The following ST8SIA6 variants were observed in gnomAD, a reference collection of about 807,000 sequenced individuals.
The protein encoded by ST8SIA6 is ST8 alpha-N-acetyl-neuraminide alpha-2,8-sialyltransferase 6, also known as alpha-2,8-sialyltransferase 8F.
In ST8SIA6, 39 loss-of-function variants were observed where a neutral mutation model predicts 33.6. The observed-to-expected ratio is 1.16, with a 90% CI of 0.90 to 1.52. The LOEUF (loss-of-function observed/expected upper bound fraction) is 1.52. Ranked by LOEUF, ST8SIA6 falls within the 40% of genes most tolerant of loss-of-function variation. The pLI, the probability that ST8SIA6 is intolerant of heterozygous loss-of-function variation, is 0.00. For missense variants in ST8SIA6, 441 were observed against 443.8 expected (o/e 0.99, Z 0.06); for synonymous variants, 172 against 167.2 (o/e 1.03, Z -0.22).
chr10:17,346,357 AAC>A (rs1174484271), intron 4 of ST8SIA6, among the ~76,000 whole-genome samples: 1 of 152,170 alleles, frequency 6.6e-6, no homozygotes, highest in African/African-American at 2.4e-5. Context: ...CTGTAATCCC[AAC>A]ACTTTGCTGA....
At chr10:17,387,460 G>T (rs952523813) in intron 3 of ST8SIA6, among the ~76,000 whole-genome samples, 2 of 115,798 alleles carry the variant, frequency 1.7e-5, no homozygotes, top group East Asian at 4.7e-4. Context: ...GGGGGGGGGG[G>T]TTCTCCATGT....
chr10:17,352,137 T>C (rs1849053008), intron 4 of ST8SIA6, among the ~76,000 whole-genome samples: 1 of 152,154 alleles, frequency 6.6e-6, no homozygotes, highest in Non-Finnish European at 1.5e-5. Context: ...CTAAACACCA[T>C]ATTTTATTCC....
chr10:17,422,147 T>C lies in ST8SIA6; in HGVS notation c.200+31412A>G, dbSNP rs868250225. On this transcript the variant is annotated intron_variant, in intron 2 of 7. Transcript: ENST00000377602. The stretch of plus-strand genomic sequence containing the variant: ...ATCAAGAGAACAATCTTTAAGCCAA[T>C]AGAAACAGTCTTTAATCACGCTAAA... Among the ~76,000 whole-genome samples the C allele has an allele frequency of 1.1e-4, 16 of 152,220 alleles. No individual in the cohort carries two copies. In the South Asian group the frequency reaches 3.3e-3, roughly 32 times the overall value.
At chr10:17,437,572 G>A (rs1202566826) in intron 2 of ST8SIA6, among the ~76,000 whole-genome samples, 4 of 152,044 alleles carry the variant, frequency 2.6e-5, no homozygotes, top group African/African-American at 9.7e-5. Flanking sequence ...TGGAACTATG[G>A]CTTGTGGTAC....
intron 4 of ST8SIA6, among the ~76,000 whole-genome samples, chr10:17,351,688 T>C (rs1466577450): frequency 2.0e-5 from 3 of 151,918 alleles, no homozygotes; most frequent in Non-Finnish European, 2.9e-5. Flanking sequence ...TGAAATGTGG[T>C]ATATATACAC....
chr10:17,429,531 G>A (rs553904578), intron 2 of ST8SIA6, among the ~76,000 whole-genome samples: 168 of 152,056 alleles, frequency 1.1e-3, no homozygotes, highest in South Asian at 5.2e-3. Context: ...TTCTCCCTGT[G>A]TGTTTCTCCC....
At chr10:17,399,055 G>A (rs915997305) in intron 2 of ST8SIA6, 1 of 152,114 alleles carries the variant, frequency 6.6e-6, no homozygotes, top group African/African-American at 2.4e-5. Context: ...AAATCGTCTT[G>A]TATGAATCTG....
chr10:17,389,699 T>G (rs930884822), intron 3 of ST8SIA6, among the ~76,000 whole-genome samples: 3 of 152,120 alleles, frequency 2.0e-5, no homozygotes, highest in Non-Finnish European at 2.9e-5. Flanking sequence ...TGGCTGAAAT[T>G]GTAAGCACAA....
At chr10:17,413,197 G>C (rs1851506751) in intron 2 of ST8SIA6, among the ~76,000 whole-genome samples, 1 of 151,564 alleles carries the variant, frequency 6.6e-6, no homozygotes, top group East Asian at 1.9e-4. Flanking sequence ...TTTTATTACA[G>C]CTGTGGGCTT....
intron 4 of ST8SIA6, among the ~76,000 whole-genome samples, chr10:17,358,832 C>T (rs982228445): frequency 6.6e-6 from 1 of 152,098 alleles, no homozygotes; most frequent in Admixed American, 6.6e-5. Flanking sequence ...CCCAAAAAAA[C>T]CAGAGCAATC....
At chr10:17,422,778 TG>T (rs979525109) in intron 2 of ST8SIA6, among the ~76,000 whole-genome samples, 5 of 152,248 alleles carry the variant, frequency 3.3e-5, no homozygotes, top group Admixed American at 2.0e-4. Flanking sequence ...CTGGAATGAC[TG>T]GGTTTCACTG....
chr10:17,375,981 T>G (rs2131637983), intron 3 of ST8SIA6, among the ~76,000 whole-genome samples: 2 of 152,358 alleles, frequency 1.3e-5, no homozygotes, highest in Middle Eastern at 3.4e-3. Context: ...GGATTACCAC[T>G]GATTGGTGCT....
At chr10:17,327,685 T>C (rs1422331195) in intron 5 of ST8SIA6, among the ~76,000 whole-genome samples, 3 of 151,586 alleles carry the variant, frequency 2.0e-5, no homozygotes, top group South Asian at 4.2e-4. Context: ...AATGAGAGAG[T>C]CACTTGAGGC....
At chr10:17,418,563 G>A (rs1047643487) in intron 2 of ST8SIA6, among the ~76,000 whole-genome samples, 22 of 152,262 alleles carry the variant, frequency 1.4e-4, no homozygotes, top group Middle Eastern at 6.8e-3. Context: ...AGGAGGATTC[G>A]AACCCATGGC....
In ST8SIA6 at chr10:17,358,445, T is replaced by C. The variant is rs552790799; in HGVS notation, c.377+1069A>G. On this transcript the variant is annotated intron_variant, in intron 4 of 7. Transcript: ENST00000377602. ...TCTCTTTAGTAATTTTTTTACAAGT[T>C]TAATGCTTCAAGTAAACTTTGAAAA... is the stretch of plus-strand genomic sequence containing the variant. Among the ~76,000 whole-genome samples the C allele has an allele frequency of 4.6e-5, 7 of 152,310 alleles. No individual in the cohort carries two copies. In the South Asian group the frequency reaches 1.4e-3, roughly 32 times the overall value.
intron 4 of ST8SIA6, among the ~76,000 whole-genome samples, chr10:17,342,458 A>G (rs1848710042): frequency 6.6e-6 from 1 of 152,166 alleles, no homozygotes; most frequent in Non-Finnish European, 1.5e-5. Context: ...TTGAATGAAT[A>G]AACTTGTGTT....
chr10:17,360,610 T>G (rs1188328410), intron 3 of ST8SIA6, among the ~76,000 whole-genome samples: 2 of 151,706 alleles, frequency 1.3e-5, no homozygotes, highest in African/African-American at 4.8e-5. Flanking sequence ...AAAGTGGAAA[T>G]AGAAGTGATA....
chr10:17,378,179 C>T (rs1422617973), intron 3 of ST8SIA6, among the ~76,000 whole-genome samples: 1 of 152,172 alleles, frequency 6.6e-6, no homozygotes, highest in Non-Finnish European at 1.5e-5. Context: ...GGTATGGGCA[C>T]CCGGCATTCT....
intron 2 of ST8SIA6, among the ~76,000 whole-genome samples, chr10:17,441,258 G>A (rs1852479657): frequency 6.6e-6 from 1 of 151,698 alleles, no homozygotes; most frequent in Admixed American, 6.6e-5. Flanking sequence ...TGATCCATGT[G>A]GAAACCATTC....
Sources: gnomAD v4.1 joint callset for allele counts (sites outside exome capture counted in the v4.1 genomes callset) on GRCh38, gnomAD v4.1.1 for gene constraint, MANE v1.5 for transcripts, NCBI Gene and HGNC (gene_info 2026-07-23, HGNC 2026-07-21) for gene names.